DENND5B: variants seen among roughly 807,000 people sequenced by gnomAD.
DENND5B encodes the protein DENN domain containing 5B.
DENND5B carries 34 observed loss-of-function variants against 140.6 expected under a neutral mutation model. That is an observed-to-expected ratio of 0.24 (90% CI 0.18 to 0.32). DENND5B has a LOEUF of 0.32. DENND5B is among the 10% of genes least tolerant of loss of function. The pLI is 1.00. For missense variants in DENND5B, 1,142 were observed against 1,560.2 expected, an observed-to-expected ratio of 0.73 and a Z score of 4.52; for synonymous variants, 551 against 562.1, an observed-to-expected ratio of 0.98 and a Z score of 0.28.
chr12:31,433,296 G>C (rs765905658), intron 7 of DENND5B, 48 bp from the exon 8 acceptor site: 42 of 1,540,092 alleles, frequency 2.7e-5, no homozygotes, highest in Admixed American at 5.5e-5. Flanking sequence ...CTTTAAAATA[G>C]AAAGCATTAA....
chr12:31,440,631 C>T (rs1446473467), intron 7 of DENND5B, among the ~76,000 whole-genome samples: 1 of 152,098 alleles, frequency 6.6e-6, no homozygotes, highest in African/African-American at 2.4e-5. Context: ...GTTGAGACAG[C>T]CTTTTAAATG....
intron 1 of DENND5B, among the ~76,000 whole-genome samples, chr12:31,576,581 C>G (rs903960229): frequency 2.6e-5 from 4 of 152,110 alleles, no homozygotes; most frequent in African/African-American, 9.7e-5. Flanking sequence ...TTCAGACAGA[C>G]ATTTCCAAGA....
At chr12:31,484,250 C>CAGTCCACT in intron 2 of DENND5B, among the ~76,000 whole-genome samples, 1 of 152,234 alleles carries the variant, frequency 6.6e-6, no homozygotes, top group South Asian at 2.1e-4. Flanking sequence ...TGCTAACTAA[C>CAGTCCACT]GCACAGTGCA....
intron 1 of DENND5B, among the ~76,000 whole-genome samples, chr12:31,517,104 A>G (rs1333519400): frequency 6.6e-6 from 1 of 151,298 alleles, no homozygotes; most frequent in African/African-American, 2.4e-5. Flanking sequence ...TCGGCTGGGG[A>G]AAAAAAAACA....
Position 31,587,526 on chromosome 12 carries a change from CTTTT to C in DENND5B, c.127+3176_127+3179del, listed in dbSNP as rs71460995. On this transcript the variant is annotated intron_variant, in intron 1 of 20. Transcript: ENST00000389082. Reference sequence around the variant, plus strand: ...CAACAACTTCTCTCACCACAAATACCTTTTTTTTTTTTTTTTTTTTTTTTTTTTT... The same window carrying C: ...CAACAACTTCTCTCACCACAAATACCTTTTTTTTTTTTTTTTTTTTTTTTT... Among the ~76,000 whole-genome samples the C allele has an allele frequency of 4.7e-4, 35 of 75,036 alleles. 2 individuals are homozygous for C. The highest frequency in any genetic ancestry group is 1.2e-3 in the Admixed American group (6 of 4,826). The allele number at this position is 75,036 out of a possible 152,430, so 49.2% of individuals were successfully genotyped here.
intron 7 of DENND5B, among the ~76,000 whole-genome samples, chr12:31,437,089 A>G (rs1943802075): frequency 1.3e-5 from 2 of 151,700 alleles, no homozygotes; most frequent in South Asian, 2.1e-4. Context: ...TAGAAGGGCC[A>G]GTATCTTGTC....
chr12:31,435,187 A>G (rs1388048722), intron 7 of DENND5B, among the ~76,000 whole-genome samples: 2 of 151,956 alleles, frequency 1.3e-5, no homozygotes, highest in Non-Finnish European at 2.9e-5. Flanking sequence ...ACGACTACCC[A>G]TGAATCACTT....
At chr12:31,545,560 G>A (rs2679501) in intron 1 of DENND5B, among the ~76,000 whole-genome samples, 11,816 of 152,150 alleles carry the variant, frequency 0.078, 1,043 homozygotes, top group African/African-American at 0.22. Context: ...GGCATACCCA[G>A]AATGTAATAT....
chr12:31,550,871 G>T (rs908240717), intron 1 of DENND5B, among the ~76,000 whole-genome samples: 1 of 152,128 alleles, frequency 6.6e-6, no homozygotes, highest in Non-Finnish European at 1.5e-5. Flanking sequence ...CTTCTTTTGA[G>T]AAGTGTCTGT....
intron 1 of DENND5B, among the ~76,000 whole-genome samples, chr12:31,555,626 TTG>T (rs1004097977): frequency 2.8e-4 from 43 of 152,232 alleles, no homozygotes; most frequent in Non-Finnish European, 2.5e-4. Context: ...TGCTGTCTTT[TTG>T]TCTGTGCCCT....
intron 3 of DENND5B, 100 bp downstream of exon 3, chr12:31,479,489 G>A (rs2138537539): frequency 8.7e-7 from 1 of 1,150,502 alleles, no homozygotes; most frequent in Non-Finnish European, 1.2e-6. Flanking sequence ...AGAAAAGACT[G>A]TGATCATTAT....
Position 31,409,392 on chromosome 12 carries a change from AG to A in DENND5B, c.2682-9del. The stretch of plus-strand genomic sequence containing the variant: ...TATCGCTTATAAAGCTTCCTAGGAA[AG>A]GGTAAGACAAGCACAAGACAGTAGT... On this transcript the variant is annotated splice_polypyrimidine_tract_variant and intron_variant, in intron 13 of 20. Coordinates refer to ENST00000389082, the MANE Select transcript of DENND5B (RefSeq NM_144973.4). 1.3e-6 allele frequency: 2 copies of A among 1,529,298 alleles called. No individual in the cohort carries two copies. Among genetic ancestry groups the A allele is most frequent in the Non-Finnish European group, 1.8e-6 (2 of 1,134,556 alleles). 94.7% of individuals were successfully genotyped at this position (1,529,298 alleles called of 1,614,324 possible). A position where few individuals can be genotyped will look rare whatever the true frequency, so the allele number is the denominator to read the frequency against.
At chr12:31,423,279 A>T (rs1943107967) in intron 11 of DENND5B, among the ~76,000 whole-genome samples, 1 of 152,138 alleles carries the variant, frequency 6.6e-6, no homozygotes, top group African/African-American at 2.4e-5. Context: ...AATGCTAGTG[A>T]GAGTAATGTA....
In DENND5B at chr12:31,386,874, C is replaced by T. The variant is rs1393907711; in HGVS notation, c.*729G>A. The stretch of plus-strand genomic sequence containing the variant: ...TGAAGTTAGTCTAGGCTAATCTTTC[C>T]GAAGTGTAAAGAAGTTATAATCCCA... On this transcript the variant is annotated 3_prime_UTR_variant, in exon 21 of 21. Transcript: ENST00000389082. 1.3e-5 allele frequency: 2 copies of T among 152,108 alleles called. No individual in the cohort carries two copies. The highest frequency in any genetic ancestry group is 2.9e-5 in the Non-Finnish European group (2 of 68,024). 9.4% of individuals were successfully genotyped at this position (152,108 alleles called of 1,614,324 possible). A position where few individuals can be genotyped will look rare whatever the true frequency, so the allele number is the denominator to read the frequency against.
At chr12:31,464,992 T>A (rs1250380005) in intron 3 of DENND5B, 1 of 152,126 alleles carries the variant, frequency 6.6e-6, no homozygotes, top group Non-Finnish European at 1.5e-5. Context: ...GAAATAAAAG[T>A]AGACATTAAA....
intron 2 of DENND5B, among the ~76,000 whole-genome samples, chr12:31,489,384 CTTTAGG>C (rs1946433879): frequency 6.6e-6 from 1 of 151,900 alleles, no homozygotes; most frequent in African/African-American, 2.4e-5. Flanking sequence ...TAATCCTTTC[CTTTAGG>C]GAGTTCACAG....
Position 31,435,503 on chromosome 12 carries a change from C to T in DENND5B, c.2013-2255G>A, listed in dbSNP as rs183795936. Among the ~76,000 whole-genome samples, 82 of 152,222 alleles carry T rather than the reference C, an allele frequency of 5.4e-4. 1 individual carries two copies. The South Asian group carries it at 0.01, about 19-fold the overall frequency. On this transcript the variant is annotated intron_variant, in intron 7 of 20. Transcript: ENST00000389082. ...AGCTGACAAGCATGTTGGTCTCCCTCGTGGCCCTCTGTAGTCATGTTAACA... is the reference window on the plus strand; with the variant it reads ...AGCTGACAAGCATGTTGGTCTCCCTTGTGGCCCTCTGTAGTCATGTTAACA...
rs1250569393 is a variant in DENND5B at position 31,386,545 on chromosome 12, T to C, written c.*1058A>G. ...GTTCATTCTCTCTCTCCTTCTGTTA[T>C]TTGCATTATCATGGTCAACAAATGC... is the stretch of plus-strand genomic sequence containing the variant. On this transcript the variant is annotated 3_prime_UTR_variant, in exon 21 of 21. Coordinates refer to ENST00000389082, the MANE Select transcript of DENND5B (RefSeq NM_144973.4). 1 of 152,230 alleles carries C rather than the reference T, an allele frequency of 6.6e-6. No homozygotes were observed. The highest frequency in any genetic ancestry group is 2.4e-5 in the African/African-American group (1 of 41,444). 9.4% of individuals were successfully genotyped at this position (152,230 alleles called of 1,614,324 possible).
At chr12:31,405,666 G>C (rs1320617422) in intron 14 of DENND5B, among the ~76,000 whole-genome samples, 2 of 151,834 alleles carry the variant, frequency 1.3e-5, no homozygotes, top group Non-Finnish European at 2.9e-5. Context: ...TCCTGCCTTA[G>C]CCTCCCAAGT....
Sources: allele counts gnomAD v4.1 joint callset (sites outside exome capture counted in the v4.1 genomes callset), GRCh38; gene constraint gnomAD v4.1.1; transcripts MANE v1.5; gene names NCBI Gene and HGNC (gene_info 2026-07-23, HGNC 2026-07-21).